The following CTNNA3 variants were observed in gnomAD, a reference collection of about 807,000 sequenced individuals.
CTNNA3 encodes the protein catenin alpha 3.
CTNNA3 carries 76 observed loss-of-function variants against 95.7 expected under a neutral mutation model. That is an observed-to-expected ratio of 0.79 (90% confidence interval 0.66 to 0.96). The LOEUF (loss-of-function observed/expected upper bound fraction) is 0.96, where lower values mean the gene tolerates loss of function less well. Ranked by LOEUF, CTNNA3 falls within the 40% of genes least tolerant of loss-of-function variation. CTNNA3 has a pLI of 0.00. For synonymous variants in CTNNA3, 431 were observed against 374.4 expected (o/e 1.15, Z -1.74); for missense variants, 1,191 against 1,089.8 (o/e 1.09, Z -1.31).
At chr10:66,746,344 A>G (rs992533539) in intron 9 of CTNNA3, among the ~76,000 whole-genome samples, 1 of 152,202 alleles carries the variant, frequency 6.6e-6, no homozygotes, top group African/African-American at 2.4e-5. Context: ...AGACCTAGGT[A>G]CAAATTCTAG....
chr10:66,419,195 A>AT (rs1007766045), intron 11 of CTNNA3, among the ~76,000 whole-genome samples: 4 of 152,200 alleles, frequency 2.6e-5, no homozygotes, highest in South Asian at 2.1e-4. Flanking sequence ...CAAAATCAAC[A>AT]TTTTTTTAAA....
At chr10:67,228,012 G>A (rs761243773) in intron 5 of CTNNA3, among the ~76,000 whole-genome samples, 3 of 151,842 alleles carry the variant, frequency 2.0e-5, no homozygotes, top group Non-Finnish European at 2.9e-5. Context: ...AAAACCTCTG[G>A]GATACAGCAA....
chr10:66,283,632 A>G (rs979302454), intron 12 of CTNNA3, among the ~76,000 whole-genome samples: 3 of 151,900 alleles, frequency 2.0e-5, no homozygotes, highest in Non-Finnish European at 4.4e-5. Context: ...CAATTAAAAT[A>G]AAATCTTTCA....
chr10:67,219,460 T>C lies in CTNNA3; in HGVS notation c.843+147A>G, dbSNP rs1864545864. On this transcript the variant is annotated intron_variant, in intron 6 of 17. Coordinates refer to ENST00000433211, the MANE Select transcript of CTNNA3 (RefSeq NM_013266.4). ...GAGTACTTTCCTGTTAATCAATTCTTTGGAAGACTCAAGAAGGTGATAGAG... is the reference window on the plus strand; with the variant it reads ...GAGTACTTTCCTGTTAATCAATTCTCTGGAAGACTCAAGAAGGTGATAGAG... The C allele has an allele frequency of 3.7e-6, 3 of 804,460 alleles. No individual in the cohort carries two copies. The East Asian group carries it at 8.1e-5, about 22-fold the overall frequency. The allele number at this position is 804,460 out of a possible 1,614,324, so 49.8% of individuals were successfully genotyped here.
At chr10:66,363,270 C>T (rs564370761) in intron 12 of CTNNA3, among the ~76,000 whole-genome samples, 1 of 152,308 alleles carries the variant, frequency 6.6e-6, no homozygotes, top group African/African-American at 2.4e-5. Context: ...GTGTCCCTCT[C>T]AAATTCATGT....
rs1486673014 is a variant in CTNNA3, at chr10:66,155,175, GA to G, written c.1885-51927del. Reference sequence around the variant, plus strand: ...TCTTTTATGTGTCCCAAAGCAGACAGAAGTACAGAGACTCATAACTTAGAGA... The same window carrying G: ...TCTTTTATGTGTCCCAAAGCAGACAGAGTACAGAGACTCATAACTTAGAGA... On this transcript the variant is annotated intron_variant, in intron 13 of 17. Transcript: ENST00000433211. Among the ~76,000 whole-genome samples the G allele has an allele frequency of 2.0e-5, 3 of 151,848 alleles. No individual in the cohort carries two copies. The Admixed American group carries it at 2.0e-4, about 10-fold the overall frequency.
intron 15 of CTNNA3, among the ~76,000 whole-genome samples, chr10:66,033,698 C>T (rs1312677432): frequency 1.3e-5 from 2 of 151,770 alleles, no homozygotes; most frequent in African/African-American, 4.8e-5. Context: ...ATTATATAGG[C>T]TTGGAATGGA....
chr10:67,454,894 A>C (rs1453853727), intron 5 of CTNNA3, among the ~76,000 whole-genome samples: 1 of 152,216 alleles, frequency 6.6e-6, no homozygotes, highest in African/African-American at 2.4e-5. Context: ...CACAGTTTAG[A>C]GAATTACAAA....
At chr10:67,693,639 A>G (rs1209105982) in intron 1 of CTNNA3, among the ~76,000 whole-genome samples, 2 of 152,226 alleles carry the variant, frequency 1.3e-5, no homozygotes, top group Non-Finnish European at 2.9e-5. Flanking sequence ...AAAGTTTTTT[A>G]ATACAGGAAG....
intron 5 of CTNNA3, among the ~76,000 whole-genome samples, chr10:67,513,879 T>C (rs1839721077): frequency 6.6e-6 from 1 of 152,206 alleles, no homozygotes; most frequent in Non-Finnish European, 1.5e-5. Flanking sequence ...CAAGGATCAA[T>C]AGAGGGCTCA....
intron 6 of CTNNA3, among the ~76,000 whole-genome samples, chr10:67,187,546 C>T (rs1298153806): frequency 6.6e-6 from 1 of 151,956 alleles, no homozygotes; most frequent in Non-Finnish European, 1.5e-5. Context: ...CTTTATCTCT[C>T]TCTCTTTCTT....
Position 65,966,742 on chromosome 10 carries a change from G to A in CTNNA3, c.2270C>T (p.Pro757Leu). Residue 757 changes from proline to leucine, a missense_variant, in exon 17 of 18, where the codon CCA (proline) becomes CTA (leucine). Transcript: ENST00000433211. ...CAAGTCCTGTTTACAAGATGGATCTGGGCACTAAATATGAATCAAAGATAA... is the reference window on the plus strand; with the variant it reads ...CAAGTCCTGTTTACAAGATGGATCTAGGCACTAAATATGAATCAAAGATAA... ...VLARQIANQC[P>L]DPSCKQDLLA... The A allele has an allele frequency of 5.0e-6, 8 of 1,607,072 alleles. No individual in the cohort carries two copies. The highest frequency in any genetic ancestry group is 6.8e-6 in the Non-Finnish European group (8 of 1,175,058).
In CTNNA3 at chr10:66,812,718, T is replaced by C. The variant is rs146730845; in HGVS notation, c.1048-37194A>G. ...AGGAGCTTATATTTCCAACTTGCTA[T>C]CTCAGGAAAGTCCTTTTATTTCTCT... is the stretch of plus-strand genomic sequence containing the variant. On this transcript the variant is annotated intron_variant, in intron 7 of 17. Transcript: ENST00000433211. Among the ~76,000 whole-genome samples, 1,066 of 152,256 alleles carry C rather than the reference T, an allele frequency of 7.0e-3. 7 individuals carry two copies. Among genetic ancestry groups the C allele is most frequent in the African/African-American group, 0.024 (998 of 41,558 alleles).
At chr10:67,662,422 G>C (rs2133529107) in intron 1 of CTNNA3, among the ~76,000 whole-genome samples, 1 of 152,244 alleles carries the variant, frequency 6.6e-6, no homozygotes, top group Admixed American at 6.5e-5. Context: ...ATGGATAAGA[G>C]GGGACTACTG....
chr10:67,336,351 T>A (rs1274695632), intron 5 of CTNNA3, among the ~76,000 whole-genome samples: 1 of 152,200 alleles, frequency 6.6e-6, no homozygotes, highest in Non-Finnish European at 1.5e-5. Flanking sequence ...AAGACCTACC[T>A]CTTTTCAATT....
chr10:67,694,582 G>A (rs116725277), intron 1 of CTNNA3, among the ~76,000 whole-genome samples: 1 of 152,134 alleles, frequency 6.6e-6, no homozygotes, highest in African/African-American at 2.4e-5. Context: ...TAGATGTTCA[G>A]CAATGATTAA....
At chr10:66,403,296 T>C (rs2093033951) in intron 11 of CTNNA3, among the ~76,000 whole-genome samples, 1 of 152,120 alleles carries the variant, frequency 6.6e-6, no homozygotes, top group Non-Finnish European at 1.5e-5. Context: ...GGTGTAGATA[T>C]CTGGTATATT....
intron 13 of CTNNA3, among the ~76,000 whole-genome samples, chr10:66,200,695 A>G (rs1269883633): frequency 6.6e-6 from 1 of 152,192 alleles, no homozygotes; most frequent in African/African-American, 2.4e-5. Context: ...CAATCCTCCT[A>G]TTTCTGAAAC....
Position 66,069,467 on chromosome 10 carries a change from T to G in CTNNA3, c.2000A>C (p.Glu667Ala). Residue 667 changes from glutamate (E) to alanine (A), a missense_variant, in exon 15 of 18, where the codon GAG becomes GCG. By Grantham distance (107) the Glu-to-Ala change is moderately radical. Coordinates refer to ENST00000433211, the MANE Select transcript of CTNNA3 (RefSeq NM_013266.4). The part of the protein sequence containing the change: ...TDRAKMTQLP[E>A]AEKEKIAEQV... Reference sequence around the variant, plus strand: ...CTCAGCAATCTTTTCTTTTTCTGCCTCAGGCAGTTGAGTCATCTTAGCCTA... The same window carrying G: ...CTCAGCAATCTTTTCTTTTTCTGCCGCAGGCAGTTGAGTCATCTTAGCCTA... 1 of 1,612,742 alleles carries G rather than the reference T, an allele frequency of 6.2e-7. No homozygotes were observed. Among genetic ancestry groups the G allele is most frequent in the Non-Finnish European group, 8.5e-7 (1 of 1,179,456 alleles).
Sources: allele counts gnomAD v4.1 joint callset (sites outside exome capture counted in the v4.1 genomes callset), GRCh38; gene constraint gnomAD v4.1.1; transcripts MANE v1.5; gene names NCBI Gene and HGNC (gene_info 2026-07-23, HGNC 2026-07-21).